NKAIN2: variants seen among roughly 807,000 people sequenced by gnomAD.
NKAIN2 encodes sodium/potassium-transporting ATPase subunit beta-1-interacting protein 2.
In NKAIN2, 14 loss-of-function variants were observed where a neutral mutation model predicts 32.6. The observed-to-expected ratio is 0.43, with a 90% CI of 0.28 to 0.67. NKAIN2 has a LOEUF of 0.67. NKAIN2 is among the 30% of genes least tolerant of loss of function. NKAIN2 has a pLI of 0.17. For missense variants in NKAIN2, 198 were observed against 258.3 expected (o/e 0.77, Z 1.60); for synonymous variants, 80 against 87.2 (o/e 0.92, Z 0.46).
At chr6:124,220,295 A>T (rs1409081004) in intron 1 of NKAIN2, among the ~76,000 whole-genome samples, 1 of 151,982 alleles carries the variant, frequency 6.6e-6, no homozygotes, top group East Asian at 1.9e-4. Context: ...TTCCACCATG[A>T]TTGTTCATTT....
intron 3 of NKAIN2, among the ~76,000 whole-genome samples, chr6:124,590,718 A>C (rs1050178018): frequency 6.6e-6 from 1 of 152,238 alleles, no homozygotes; most frequent in African/African-American, 2.4e-5. Context: ...AGAGTTCTTC[A>C]TAACAGGAAC....
intron 4 of NKAIN2, among the ~76,000 whole-genome samples, chr6:124,789,627 T>C (rs1019313606): frequency 6.6e-6 from 1 of 151,954 alleles, no homozygotes; most frequent in Non-Finnish European, 1.5e-5. Context: ...CACTATGTGA[T>C]TTGAGTTTGG....
chr6:124,093,009 G>T (rs956681388), intron 1 of NKAIN2, among the ~76,000 whole-genome samples: 3 of 151,996 alleles, frequency 2.0e-5, no homozygotes, highest in Non-Finnish European at 4.4e-5. Flanking sequence ...CTTCCTGCCA[G>T]TATGAATTTT....
chr6:123,892,781 G>A (rs1274063037), intron 1 of NKAIN2, among the ~76,000 whole-genome samples: 2 of 151,710 alleles, frequency 1.3e-5, no homozygotes, highest in Non-Finnish European at 2.9e-5. Flanking sequence ...AGACTAGCAT[G>A]TACAGATGCT....
chr6:124,769,251 G>A (rs1166624307), intron 4 of NKAIN2, among the ~76,000 whole-genome samples: 5 of 152,124 alleles, frequency 3.3e-5, no homozygotes, highest in Non-Finnish European at 7.4e-5. Context: ...TGATAAGAAA[G>A]GCTACAGATG....
At chr6:124,022,585 C>A (rs1780914907) in intron 1 of NKAIN2, among the ~76,000 whole-genome samples, 1 of 152,106 alleles carries the variant, frequency 6.6e-6, no homozygotes, top group South Asian at 2.1e-4. Context: ...TGTGTCCAGA[C>A]AATTTTAACC....
intron 3 of NKAIN2, among the ~76,000 whole-genome samples, chr6:124,631,536 C>T (rs1405266238): frequency 2.0e-5 from 3 of 152,134 alleles, no homozygotes; most frequent in Non-Finnish European, 4.4e-5. Context: ...GCAGGCTTCT[C>T]TCTTGTAGGA....
At chr6:123,860,556 A>G (rs1458315509) in intron 1 of NKAIN2, among the ~76,000 whole-genome samples, 1 of 152,056 alleles carries the variant, frequency 6.6e-6, no homozygotes, top group African/African-American at 2.4e-5. Context: ...GACTAAAGGC[A>G]CATGCCACCA....
intron 4 of NKAIN2, among the ~76,000 whole-genome samples, chr6:124,702,160 A>G (rs1774823358): frequency 1.3e-5 from 2 of 152,136 alleles, no homozygotes. Flanking sequence ...TAAAAATGAC[A>G]AAATATCAAA....
intron 4 of NKAIN2, among the ~76,000 whole-genome samples, chr6:124,718,255 C>G (rs746543941): frequency 6.6e-6 from 1 of 152,094 alleles, no homozygotes; most frequent in Admixed American, 6.6e-5. Context: ...TTCTCCCATC[C>G]CCTGGCAACT....
At chr6:124,073,173 T>C (rs114936662) in intron 1 of NKAIN2, among the ~76,000 whole-genome samples, 2,362 of 152,260 alleles carry the variant, frequency 0.016, 58 homozygotes, top group African/African-American at 0.054. Flanking sequence ...TGGGCGGAGT[T>C]GTAACCTCAA....
chr6:124,649,739 T>C (rs1784300744), intron 3 of NKAIN2, among the ~76,000 whole-genome samples: 2 of 152,114 alleles, frequency 1.3e-5, no homozygotes, highest in South Asian at 4.1e-4. Flanking sequence ...GTATAGCAAA[T>C]TGAATCAGAG....
chr6:124,305,444 A>G (rs946036088), intron 2 of NKAIN2, among the ~76,000 whole-genome samples: 1 of 152,176 alleles, frequency 6.6e-6, no homozygotes, highest in Non-Finnish European at 1.5e-5. Context: ...AAAAGGATAT[A>G]TGTTGTTGAT....
intron 1 of NKAIN2, among the ~76,000 whole-genome samples, chr6:124,057,589 G>T (rs1404418518): frequency 6.6e-6 from 1 of 150,768 alleles, no homozygotes; most frequent in Non-Finnish European, 1.5e-5. Flanking sequence ...CTTGTTGCTG[G>T]CAAGAAGCGT....
chr6:123,931,250 C>A (rs188194145), intron 1 of NKAIN2, among the ~76,000 whole-genome samples: 94 of 152,032 alleles, frequency 6.2e-4, no homozygotes, highest in Admixed American at 9.8e-4. Flanking sequence ...GTGTTCTTTT[C>A]TCTCTCCTGC....
At chr6:123,904,914 G>A (rs1199542490) in intron 1 of NKAIN2, among the ~76,000 whole-genome samples, 1 of 152,062 alleles carries the variant, frequency 6.6e-6, no homozygotes, top group Non-Finnish European at 1.5e-5. Flanking sequence ...CATCCTCTGG[G>A]CTCAAATGAC....
At chr6:124,175,847 T>G (rs1468533888) in intron 1 of NKAIN2, among the ~76,000 whole-genome samples, 1 of 152,182 alleles carries the variant, frequency 6.6e-6, no homozygotes, top group East Asian at 1.9e-4. Flanking sequence ...AGTTTGTGAA[T>G]GTACATCTCT....
At chr6:124,757,716 G>A (rs529840217) in intron 4 of NKAIN2, among the ~76,000 whole-genome samples, 2 of 152,332 alleles carry the variant, frequency 1.3e-5, no homozygotes, top group East Asian at 3.9e-4. Flanking sequence ...CCTGAGACAT[G>A]TATGTTTGTG....
intron 3 of NKAIN2, among the ~76,000 whole-genome samples, chr6:124,446,938 C>T (rs1022631769): frequency 3.9e-5 from 6 of 152,032 alleles, no homozygotes; most frequent in African/African-American, 1.4e-4. Flanking sequence ...GTGAACAGCA[C>T]GGATGCTGCT....
Sources: allele counts gnomAD v4.1 joint callset (sites outside exome capture counted in the v4.1 genomes callset), GRCh38; gene constraint gnomAD v4.1.1; transcripts MANE v1.5; gene names NCBI Gene and HGNC (gene_info 2026-07-23, HGNC 2026-07-21).